DUSP18: variants seen among roughly 807,000 people sequenced by gnomAD.
DUSP18 encodes the protein dual specificity protein phosphatase 18.
A neutral mutation model predicts 6.3 loss-of-function variants in DUSP18; 4 were observed. That is an observed-to-expected ratio of 0.63 (90% CI 0.31 to 1.45). DUSP18 has a LOEUF of 1.45. Ranked by LOEUF, DUSP18 falls within the 40% of genes most tolerant of loss-of-function variation. DUSP18 has a pLI of 0.07. For missense variants in DUSP18, 235 were observed against 247.7 expected (o/e 0.95, Z 0.34); for synonymous variants, 96 against 95.1 (o/e 1.01, Z -0.05).
chr22:30,655,396 C>A (rs1192020109), intron 2 of DUSP18, among the ~76,000 whole-genome samples: 1 of 133,314 alleles, frequency 7.5e-6, no homozygotes, highest in Non-Finnish European at 1.5e-5. Context: ...TACACCACTG[C>A]ACTCCACTCT....
downstream of DUSP18, among the ~76,000 whole-genome samples, chr22:30,658,528 C>G (rs141530741): frequency 0.01 from 1,539 of 151,948 alleles, 15 homozygotes; most frequent in Non-Finnish European, 0.015. Context: ...CCTTTTTTCT[C>G]TCTTCATCCT....
intron 2 of DUSP18, chr22:30,654,248 T>G (rs747169944): frequency 1.5e-5 from 6 of 397,008 alleles, no homozygotes; most frequent in Non-Finnish European, 2.5e-5. Flanking sequence ...CCTCCCAAAG[T>G]GCTAGGATTA....
chr22:30,657,087 G>C (rs1249619558), downstream of DUSP18, among the ~76,000 whole-genome samples: 1 of 152,092 alleles, frequency 6.6e-6, no homozygotes, highest in African/African-American at 2.4e-5. Flanking sequence ...ACAACGATGG[G>C]GATATTGTGG....
intron 2 of DUSP18, chr22:30,653,977 G>GTTTTTTT (rs1316985664): frequency 6.7e-6 from 1 of 149,786 alleles, no homozygotes; most frequent in African/African-American, 2.7e-5. Context: ...TAGCTGTTTT[G>GTTTTTTT]TTTTTTTGTT....
At chr22:30,658,724 G>T (rs774863366), downstream of DUSP18, among the ~76,000 whole-genome samples, 6 of 152,118 alleles carry the variant, frequency 3.9e-5, no homozygotes, top group Non-Finnish European at 5.9e-5. Flanking sequence ...CACATGCATG[G>T]ACCTGACCCT....
At chr22:30,661,252 A>G (rs182233925), downstream of DUSP18, among the ~76,000 whole-genome samples, 9 of 152,296 alleles carry the variant, frequency 5.9e-5, no homozygotes, top group East Asian at 1.7e-3. Flanking sequence ...CTCAAATCCA[A>G]AAATGTGAAA....
In DUSP18 at chr22:30,663,874, T is replaced by A. The variant is rs1326794369; in HGVS notation, c.130A>T (p.Asn44Tyr). 1 of 1,614,214 alleles carries A rather than the reference T, an allele frequency of 6.2e-7. No individual in the cohort carries two copies. Among genetic ancestry groups the A allele is most frequent in the Non-Finnish European group, 8.5e-7 (1 of 1,180,050 alleles). Residue 44 changes from asparagine (N) to tyrosine (Y), a missense_variant, in exon 2 of 2, where the codon AAC becomes TAC. Coordinates refer to ENST00000334679, the MANE Select transcript of DUSP18 (RefSeq NM_152511.5). ...ACATTGATGACCATGGTGATCTGGT[T>A]GCTAGACAGCATGAGCTTGTTGTTG... ...AANNKLMLSSNQITMVINVSV... is the reference protein window; with the variant it reads ...AANNKLMLSSYQITMVINVSV...
chr22:30,653,954 T>C, intron 2 of DUSP18: 1 of 167,980 alleles, frequency 6.0e-6, no homozygotes, highest in Non-Finnish European at 1.3e-5. Flanking sequence ...TCGGCCTGTT[T>C]CTGTAGCCTC....
chr22:30,659,618 A>G (rs1456959947), downstream of DUSP18, among the ~76,000 whole-genome samples: 1 of 152,178 alleles, frequency 6.6e-6, no homozygotes. Context: ...GTGATCCACC[A>G]GCCTCAACCT....
In DUSP18 at chr22:30,663,404, C is replaced by G. The variant is rs758100559; in HGVS notation, c.*33G>C. 1.3e-6 allele frequency: 2 copies of G among 1,575,832 alleles called. No homozygotes were observed. The highest frequency in any genetic ancestry group is 2.2e-5 in the East Asian group (1 of 44,450). On this transcript the variant is annotated 3_prime_UTR_variant, in exon 2 of 2. Transcript: ENST00000334679. ...TGTAAGATCAACAATAGATCTGTAC[C>G]TCTGACTCCAATGCAGGGGCTCGTG...
chr22:30,657,670 C>T (rs1413324484), downstream of DUSP18, among the ~76,000 whole-genome samples: 7 of 151,140 alleles, frequency 4.6e-5, no homozygotes, highest in Non-Finnish European at 7.4e-5. Flanking sequence ...TTTGGGAGGC[C>T]GAGTCAGGTG....
downstream of DUSP18, among the ~76,000 whole-genome samples, chr22:30,658,969 C>T (rs1423572731): frequency 1.3e-5 from 2 of 151,804 alleles, no homozygotes; most frequent in African/African-American, 2.4e-5. Flanking sequence ...ATGGCGAAAC[C>T]GCATCTCTAC....
intron 1 of DUSP18, chr22:30,665,511 C>G (rs753549425): frequency 4.2e-6 from 2 of 471,052 alleles, no homozygotes; most frequent in South Asian, 3.1e-5. Flanking sequence ...CTGGTCCATT[C>G]AGCAGAGGAC....
intron 2 of DUSP18, chr22:30,654,490 G>A: frequency 4.6e-6 from 2 of 433,240 alleles, no homozygotes; most frequent in South Asian, 1.7e-5. Flanking sequence ...GTGGTGGGAT[G>A]CCGTTAAACA....
At chr22:30,666,328 A>G (rs2088660998) in intron 1 of DUSP18, among the ~76,000 whole-genome samples, 1 of 152,150 alleles carries the variant, frequency 6.6e-6, no homozygotes, top group African/African-American at 2.4e-5. Context: ...TAGTTAAGAA[A>G]TATCTATCAG....
At chr22:30,666,159 C>G (rs969355132) in intron 1 of DUSP18, among the ~76,000 whole-genome samples, 10 of 152,160 alleles carry the variant, frequency 6.6e-5, no homozygotes, top group Non-Finnish European at 1.2e-4. Flanking sequence ...TCCTCGTCAT[C>G]AGAAAATCCA....
intron 1 of DUSP18, 144 bp downstream of exon 1, chr22:30,667,318 C>T (rs1424935719): frequency 6.6e-6 from 1 of 152,242 alleles, no homozygotes; most frequent in Non-Finnish European, 1.5e-5. Context: ...TCGTGAAATA[C>T]TAAGTTATAA....
rs762668743 is a variant in DUSP18 at position 30,664,038 on chromosome 22, G to A, written c.-35C>T. On this transcript the variant is annotated 5_prime_UTR_variant, in exon 2 of 2. Coordinates refer to ENST00000334679, the MANE Select transcript of DUSP18 (RefSeq NM_152511.5). Reference sequence around the variant, plus strand: ...GGGTCAGTGGTCAGCAGTCAGCGAAGCACGAAGGCTGCGTCTTTCTGCTAG... The same window carrying A: ...GGGTCAGTGGTCAGCAGTCAGCGAAACACGAAGGCTGCGTCTTTCTGCTAG... 7 of 1,575,522 alleles carry A rather than the reference G, an allele frequency of 4.4e-6. No homozygotes were observed. The East Asian group carries it at 1.6e-4, about 36-fold the overall frequency.
intron 2 of DUSP18, among the ~76,000 whole-genome samples, chr22:30,652,851 T>C (rs2088249760): frequency 1.3e-5 from 2 of 152,226 alleles, no homozygotes; most frequent in African/African-American, 4.8e-5. Context: ...ATCTTATTGG[T>C]TACAAGTCTA....
Sources: allele counts gnomAD v4.1 joint callset (sites outside exome capture counted in the v4.1 genomes callset), GRCh38; gene constraint gnomAD v4.1.1; transcripts MANE v1.5; gene names NCBI Gene and HGNC (gene_info 2026-07-23, HGNC 2026-07-21).